NR3C2: variants seen among roughly 807,000 people sequenced by gnomAD.
The protein encoded by NR3C2 is mineralocorticoid receptor.
A neutral mutation model predicts 86.4 loss-of-function variants in NR3C2; 15 were observed. The ratio of observed to expected loss-of-function variants is 0.17; its 90% CI spans 0.12 to 0.27. The LOEUF (loss-of-function observed/expected upper bound fraction) is 0.27, where lower values mean the gene tolerates loss of function less well. Among genes scored for constraint, NR3C2 ranks in the 10% least tolerant of loss-of-function variants. NR3C2 has a pLI of 1.00. For missense variants in NR3C2, 960 were observed against 1,195.6 expected, an observed-to-expected ratio of 0.80 and a Z score of 2.91; for synonymous variants, 458 against 450.5, an observed-to-expected ratio of 1.02 and a Z score of -0.21.
intron 2 of NR3C2, among the ~76,000 whole-genome samples, chr4:148,371,871 G>A (rs1746438912): frequency 6.6e-6 from 1 of 152,128 alleles, no homozygotes; most frequent in East Asian, 1.9e-4. Flanking sequence ...AAATTAGAAT[G>A]AGTAGAGGGA....
intron 2 of NR3C2, among the ~76,000 whole-genome samples, chr4:148,346,666 TC>T (rs1745009261): frequency 6.6e-6 from 1 of 152,124 alleles, no homozygotes; most frequent in Non-Finnish European, 1.5e-5. Flanking sequence ...ATGCTACATT[TC>T]CAAGACAGTA....
chr4:148,369,854 G>T (rs1746328037), intron 2 of NR3C2, among the ~76,000 whole-genome samples: 1 of 152,204 alleles, frequency 6.6e-6, no homozygotes, highest in Non-Finnish European at 1.5e-5. Flanking sequence ...AAGACTTGAT[G>T]CTGAGCTCAA....
chr4:148,439,530 T>G (rs1190749793), intron 1 of NR3C2, among the ~76,000 whole-genome samples: 8 of 152,328 alleles, frequency 5.3e-5, no homozygotes, highest in Admixed American at 2.6e-4. Flanking sequence ...ATTCTCTTCC[T>G]GGTCATAGTC....
At chr4:148,399,254 C>T (rs1373663628) in intron 2 of NR3C2, among the ~76,000 whole-genome samples, 2 of 152,120 alleles carry the variant, frequency 1.3e-5, no homozygotes, top group African/African-American at 4.8e-5. Flanking sequence ...TAAACATTCT[C>T]TACACTTGCA....
At chr4:148,393,570 C>T (rs1007871681) in intron 2 of NR3C2, among the ~76,000 whole-genome samples, 7 of 152,144 alleles carry the variant, frequency 4.6e-5, no homozygotes, top group Admixed American at 1.3e-4. Flanking sequence ...AGACACGCCC[C>T]ACCTAAAGGT....
intron 4 of NR3C2, among the ~76,000 whole-genome samples, chr4:148,166,323 C>T (rs945955616): frequency 5.9e-5 from 9 of 152,194 alleles, no homozygotes; most frequent in Admixed American, 1.3e-4. Flanking sequence ...TGTCTTGTGC[C>T]GTCAGGTCTC....
rs1745065848 is a variant in NR3C2 at position 148,347,702 on chromosome 4, G to A, written c.1757+87402C>T. Reference sequence around the variant, plus strand: ...GAGTACCTACGCATGCCCCGATGGGGCTACAGCAGTGAACAAACCAAATTT... The same window carrying A: ...GAGTACCTACGCATGCCCCGATGGGACTACAGCAGTGAACAAACCAAATTT... On this transcript the variant is annotated intron_variant, in intron 2 of 8. Transcript: ENST00000358102. Among the ~76,000 whole-genome samples the A allele has an allele frequency of 2.0e-5, 3 of 152,090 alleles. No individual in the cohort carries two copies. The South Asian group carries it at 6.2e-4, about 32-fold the overall frequency.
chr4:148,146,412 T>G (rs1733871876), intron 6 of NR3C2: 1 of 152,556 alleles, frequency 6.6e-6, no homozygotes, highest in Non-Finnish European at 1.5e-5. Context: ...CCAGGCCTCC[T>G]GGAGCTTCAG....
At chr4:148,145,371 A>G (rs1472464704) in intron 6 of NR3C2, among the ~76,000 whole-genome samples, 3 of 152,178 alleles carry the variant, frequency 2.0e-5, no homozygotes, top group East Asian at 1.9e-4. Context: ...AAGGGACGCA[A>G]TCTCCCGGAA....
intron 2 of NR3C2, among the ~76,000 whole-genome samples, chr4:148,318,104 C>A (rs1743318003): frequency 2.0e-5 from 3 of 149,660 alleles, no homozygotes; most frequent in South Asian, 4.2e-4. Flanking sequence ...CAATTCCCAC[C>A]TATGAGTGAG....
intron 2 of NR3C2, among the ~76,000 whole-genome samples, chr4:148,428,061 T>C (rs1749636251): frequency 1.3e-5 from 2 of 152,216 alleles, no homozygotes; most frequent in South Asian, 2.1e-4. Flanking sequence ...AGTAACTTTA[T>C]CATGGAGAAA....
intron 2 of NR3C2, among the ~76,000 whole-genome samples, chr4:148,422,289 G>T (rs957071686): frequency 6.6e-6 from 1 of 151,536 alleles, no homozygotes; most frequent in Non-Finnish European, 1.5e-5. Flanking sequence ...AACCAGATTG[G>T]GTATGAAAAT....
rs546389858 is a variant in NR3C2 at position 148,180,396 on chromosome 4, T to A, written c.2014+14350A>T. 5.3e-5 allele frequency among the ~76,000 whole-genome samples: 8 copies of A among 152,180 alleles called. No homozygotes were observed. In the South Asian group the frequency reaches 8.3e-4, roughly 16 times the overall value. The stretch of plus-strand genomic sequence containing the variant: ...GCAGGTAACTTACTGATGGCTTTTT[T>A]AAAAAATCTTTTTTCCTCCTTCCTG... On this transcript the variant is annotated intron_variant, in intron 4 of 8. Coordinates refer to ENST00000358102, the MANE Select transcript of NR3C2 (RefSeq NM_000901.5).
At chr4:148,283,911 G>A (rs1282038079) in intron 2 of NR3C2, among the ~76,000 whole-genome samples, 6 of 152,186 alleles carry the variant, frequency 3.9e-5, no homozygotes, top group Admixed American at 2.6e-4. Flanking sequence ...AGACAACTGA[G>A]ACTGCGAGTG....
At position 148,168,274 on chromosome 4, in the gene NR3C2, A is replaced by G. The variant is rs569271774; in HGVS notation, c.2015-13373T>C. ...TGGAAGGGGCAAGTGATGCACAGAA[A>G]GACTAATCTCCCCCTGCCCCAAATG... On this transcript the variant is annotated intron_variant, in intron 4 of 8. Coordinates refer to ENST00000358102, the MANE Select transcript of NR3C2 (RefSeq NM_000901.5). Among the ~76,000 whole-genome samples, 5 of 152,336 alleles carry G rather than the reference A, an allele frequency of 3.3e-5. No homozygotes were observed. In the South Asian group the frequency reaches 1.0e-3, roughly 32 times the overall value.
intron 2 of NR3C2, among the ~76,000 whole-genome samples, chr4:148,383,005 G>C (rs1260010233): frequency 1.3e-5 from 2 of 151,980 alleles, no homozygotes; most frequent in Non-Finnish European, 2.9e-5. Context: ...AATCCAGTTT[G>C]CAACGATAAA....
At chr4:148,319,264 GT>G (rs1329535626) in intron 2 of NR3C2, among the ~76,000 whole-genome samples, 1 of 152,156 alleles carries the variant, frequency 6.6e-6, no homozygotes, top group Non-Finnish European at 1.5e-5. Flanking sequence ...GTACCATGCT[GT>G]TTTGGTTACT....
At chr4:148,391,115 T>C (rs959846036) in intron 2 of NR3C2, among the ~76,000 whole-genome samples, 1 of 152,238 alleles carries the variant, frequency 6.6e-6, no homozygotes, top group Non-Finnish European at 1.5e-5. Context: ...AAGGAAATGA[T>C]TCTCTGCTTT....
intron 2 of NR3C2, among the ~76,000 whole-genome samples, chr4:148,350,033 T>C (rs1745194598): frequency 6.6e-6 from 1 of 152,176 alleles, no homozygotes; most frequent in African/African-American, 2.4e-5. Flanking sequence ...TACCTTATTA[T>C]AAATAAAAAC....
Sources: allele counts gnomAD v4.1 joint callset (sites outside exome capture counted in the v4.1 genomes callset), GRCh38; gene constraint gnomAD v4.1.1; transcripts MANE v1.5; gene names NCBI Gene and HGNC (gene_info 2026-07-23, HGNC 2026-07-21).